VAT1L: variants seen among roughly 807,000 people sequenced by gnomAD.
VAT1L encodes the protein vesicle amine transport 1 like, also known as putative NADPH-dependent quinone oxidoreductase VAT1L.
Under a neutral mutation model 44.1 loss-of-function variants are expected in VAT1L, and 34 were observed. The observed-to-expected ratio is 0.77, with a 90% CI of 0.59 to 1.03. The LOEUF (loss-of-function observed/expected upper bound fraction) is 1.03. Ranked by LOEUF, VAT1L falls within the 50% of genes least tolerant of loss-of-function variation. The pLI is 0.00. For missense variants in VAT1L, 615 were observed against 538.8 expected (o/e 1.14, Z -1.40); for synonymous variants, 253 against 202.2 (o/e 1.25, Z -2.13).
chr16:77,867,265 C>G (rs1189537681), intron 4 of VAT1L, among the ~76,000 whole-genome samples: 1 of 152,054 alleles, frequency 6.6e-6, no homozygotes, highest in East Asian at 1.9e-4. Context: ...ATTACGTGGA[C>G]GGTGATGAGG....
At chr16:77,822,122 C>A (rs1383961276) in intron 2 of VAT1L, among the ~76,000 whole-genome samples, 1 of 152,020 alleles carries the variant, frequency 6.6e-6, no homozygotes, top group African/African-American at 2.4e-5. Flanking sequence ...ATTGTTAGCT[C>A]ATGTTTTATT....
intron 3 of VAT1L, among the ~76,000 whole-genome samples, chr16:77,845,673 G>C (rs1245800078): frequency 6.6e-6 from 1 of 152,092 alleles, no homozygotes; most frequent in Non-Finnish European, 1.5e-5. Context: ...AGCCCAGCCT[G>C]TCCGCTCATC....
chr16:77,888,692 C>T lies in VAT1L; in HGVS notation c.1077+3890C>T, dbSNP rs1325857077. On this transcript the variant is annotated intron_variant, in intron 7 of 8. Transcript: ENST00000302536. ...GAGCAGCATCTCTGGCCTCTACTCC[C>T]GTACCGCCAGCGGTGGCAATAGAAA... 3.9e-5 allele frequency among the ~76,000 whole-genome samples: 6 copies of T among 152,214 alleles called. No homozygotes were observed. In the East Asian group the frequency reaches 7.7e-4, roughly 20 times the overall value.
chr16:77,906,879 G>A (rs533086348), intron 7 of VAT1L, among the ~76,000 whole-genome samples: 1 of 150,816 alleles, frequency 6.6e-6, no homozygotes, highest in Middle Eastern at 3.5e-3. Flanking sequence ...TCTGGCCCTG[G>A]CAACAGCAGC....
chr16:77,834,780 C>G (rs1363400533), intron 3 of VAT1L, among the ~76,000 whole-genome samples: 1 of 152,302 alleles, frequency 6.6e-6, no homozygotes, highest in Non-Finnish European at 1.5e-5. Context: ...ACTGCATCCT[C>G]CTCATCCCTT....
chr16:77,794,700 G>T (rs139120524), intron 1 of VAT1L, among the ~76,000 whole-genome samples: 109 of 152,272 alleles, frequency 7.2e-4, no homozygotes, highest in Non-Finnish European at 1.4e-3. Flanking sequence ...CTAATGCCAA[G>T]CCAGGAGCCA....
intron 8 of VAT1L, among the ~76,000 whole-genome samples, chr16:77,973,917 TG>T (rs1465178608): frequency 4.6e-5 from 7 of 151,900 alleles, no homozygotes; most frequent in Non-Finnish European, 1.0e-4. Context: ...TAGTACAGAC[TG>T]GGTTTCACCA....
At chr16:77,904,080 C>A (rs2017413875) in intron 7 of VAT1L, among the ~76,000 whole-genome samples, 2 of 151,892 alleles carry the variant, frequency 1.3e-5, no homozygotes, top group South Asian at 4.2e-4. Context: ...GACTTTGGCA[C>A]CAGCCTAATA....
At chr16:77,836,181 G>T (rs2016636833) in intron 3 of VAT1L, among the ~76,000 whole-genome samples, 1 of 152,020 alleles carries the variant, frequency 6.6e-6, no homozygotes, top group Non-Finnish European at 1.5e-5. Flanking sequence ...TATAGTCAGA[G>T]GATCCAATTT....
intron 7 of VAT1L, among the ~76,000 whole-genome samples, chr16:77,909,454 T>A (rs770065821): frequency 2.0e-5 from 3 of 151,908 alleles, no homozygotes; most frequent in Non-Finnish European, 2.9e-5. Flanking sequence ...CTGGCCAACA[T>A]GGTGAAACCC....
intron 7 of VAT1L, among the ~76,000 whole-genome samples, chr16:77,938,559 A>G (rs2017833243): frequency 6.6e-6 from 1 of 152,072 alleles, no homozygotes; most frequent in Non-Finnish European, 1.5e-5. Context: ...GTTGTTTAAA[A>G]GTGTGTGGCA....
chr16:77,958,387 G>A (rs750189339), intron 7 of VAT1L, among the ~76,000 whole-genome samples: 6 of 152,026 alleles, frequency 3.9e-5, no homozygotes, highest in Admixed American at 2.6e-4. Flanking sequence ...ATATTTTCCC[G>A]CAGGTCTTTC....
chr16:77,824,444 G>A (rs970462296), intron 2 of VAT1L, among the ~76,000 whole-genome samples: 5 of 151,982 alleles, frequency 3.3e-5, no homozygotes, highest in African/African-American at 4.8e-5. Context: ...AAAGTTATTC[G>A]TTTCATCAAA....
At chr16:77,790,983 G>C (rs2015824539) in intron 1 of VAT1L, among the ~76,000 whole-genome samples, 1 of 152,198 alleles carries the variant, frequency 6.6e-6, no homozygotes, top group African/African-American at 2.4e-5. Flanking sequence ...CCCGACCCTA[G>C]TTGTTCAGAA....
chr16:77,859,452 G>C (rs914753818), intron 3 of VAT1L, among the ~76,000 whole-genome samples: 2 of 152,172 alleles, frequency 1.3e-5, no homozygotes, highest in African/African-American at 4.8e-5. Flanking sequence ...AAGTGAATGA[G>C]GGGAGACTGG....
At chr16:77,845,767 A>G (rs2016752617) in intron 3 of VAT1L, among the ~76,000 whole-genome samples, 1 of 152,002 alleles carries the variant, frequency 6.6e-6, no homozygotes, top group African/African-American at 2.4e-5. Context: ...GCAAGTTTCT[A>G]TTCACCATTT....
At chr16:77,874,703 C>T (rs1024422886) in intron 4 of VAT1L, among the ~76,000 whole-genome samples, 1 of 152,118 alleles carries the variant, frequency 6.6e-6, no homozygotes, top group Admixed American at 6.6e-5. Flanking sequence ...CACATTTCAA[C>T]TTAACATTTA....
intron 7 of VAT1L, among the ~76,000 whole-genome samples, chr16:77,921,130 A>C (rs898114663): frequency 6.6e-6 from 1 of 152,210 alleles, no homozygotes; most frequent in Non-Finnish European, 1.5e-5. Flanking sequence ...CTCTGATGCC[A>C]AATCTTATCT....
At chr16:77,943,663 A>C (rs993536706) in intron 7 of VAT1L, among the ~76,000 whole-genome samples, 1 of 151,940 alleles carries the variant, frequency 6.6e-6, no homozygotes, top group Non-Finnish European at 1.5e-5. Flanking sequence ...CGGCCTCCCA[A>C]AGTGCTGGGA....
Sources: allele counts gnomAD v4.1 joint callset (sites outside exome capture counted in the v4.1 genomes callset), GRCh38; gene constraint gnomAD v4.1.1; transcripts MANE v1.5; gene names NCBI Gene and HGNC (gene_info 2026-07-23, HGNC 2026-07-21).